Variants in KLF7 observed in about 807,000 individuals in gnomAD.
KLF7 encodes the protein Krueppel-like factor 7.
Under a neutral mutation model 27.3 loss-of-function variants are expected in KLF7, and 2 were observed. The ratio of observed to expected loss-of-function variants is 0.07; its 90% CI spans 0.03 to 0.23. The LOEUF (loss-of-function observed/expected upper bound fraction) is 0.23. KLF7 is among the 10% of genes least tolerant of loss of function. KLF7 has a pLI of 1.00. For synonymous variants in KLF7, 165 were observed against 162.4 expected, an observed-to-expected ratio of 1.02 and a Z score of -0.12; for missense variants, 221 against 394.1, an observed-to-expected ratio of 0.56 and a Z score of 3.72.
intron 2 of KLF7, among the ~76,000 whole-genome samples, chr2:207,123,003 G>A (rs1451648403): frequency 6.6e-6 from 1 of 151,440 alleles, no homozygotes; most frequent in Non-Finnish European, 1.5e-5. Context: ...ACGCTTTTCT[G>A]TGTAAACCCC....
chr2:207,169,129 C>G (rs2078768085), upstream of KLF7, among the ~76,000 whole-genome samples: 1 of 152,188 alleles, frequency 6.6e-6, no homozygotes, highest in African/African-American at 2.4e-5. Flanking sequence ...GAATACAGGT[C>G]TGCCTCCAAA....
At chr2:207,149,238 C>T in intron 1 of KLF7, 4 of 1,010,090 alleles carry the variant, frequency 4.0e-6, no homozygotes, top group Non-Finnish European at 5.4e-6. Flanking sequence ...AAAAGCAACA[C>T]CCCCACTCAG....
chr2:207,118,189 T>A (rs1403089155), intron 2 of KLF7, among the ~76,000 whole-genome samples: 1 of 152,208 alleles, frequency 6.6e-6, no homozygotes, highest in Non-Finnish European at 1.5e-5. Flanking sequence ...TGACCTTTCT[T>A]ATTTGATAGG....
At chr2:207,140,507 A>G (rs965407534) in intron 1 of KLF7, among the ~76,000 whole-genome samples, 4 of 152,236 alleles carry the variant, frequency 2.6e-5, no homozygotes, top group Non-Finnish European at 5.9e-5. Flanking sequence ...TGTAAGAAAT[A>G]GAAGCAACAA....
At chr2:207,133,748 G>A (rs1310255125) in intron 1 of KLF7, among the ~76,000 whole-genome samples, 1 of 152,082 alleles carries the variant, frequency 6.6e-6, no homozygotes, top group Non-Finnish European at 1.5e-5. Flanking sequence ...AGGGGGAGGG[G>A]GGGAGCCATC....
At chr2:207,108,529 T>C (rs61355223) in intron 2 of KLF7, among the ~76,000 whole-genome samples, 241 of 152,302 alleles carry the variant, frequency 1.6e-3, no homozygotes, top group African/African-American at 5.6e-3. Flanking sequence ...CAGGAATTTG[T>C]CTTTTGGTGT....
intron 2 of KLF7, among the ~76,000 whole-genome samples, chr2:207,090,458 A>G (rs1466602213): frequency 6.6e-6 from 1 of 152,156 alleles, no homozygotes; most frequent in Non-Finnish European, 1.5e-5. Flanking sequence ...TAATAAATCC[A>G]TGTTTATAGT....
At chr2:207,136,533 C>A (rs1304574633) in intron 1 of KLF7, among the ~76,000 whole-genome samples, 1 of 152,170 alleles carries the variant, frequency 6.6e-6, no homozygotes, top group Non-Finnish European at 1.5e-5. Flanking sequence ...CTAGGCCAAA[C>A]AGCCCATTCA....
chr2:207,106,679 T>C (rs146106406), intron 2 of KLF7, among the ~76,000 whole-genome samples: 3 of 152,254 alleles, frequency 2.0e-5, no homozygotes, highest in Admixed American at 6.5e-5. Flanking sequence ...TGCATGCTGT[T>C]CCAAAGTGCT....
At chr2:207,116,498 C>A (rs1368834288) in intron 2 of KLF7, among the ~76,000 whole-genome samples, 2 of 152,150 alleles carry the variant, frequency 1.3e-5, no homozygotes, top group African/African-American at 2.4e-5. Flanking sequence ...CATAGAAAAT[C>A]CCTGCCTACC....
intron 1 of KLF7, among the ~76,000 whole-genome samples, chr2:207,136,018 A>G (rs2077774506): frequency 6.6e-6 from 1 of 152,146 alleles, no homozygotes; most frequent in South Asian, 2.1e-4. Context: ...CAGGAAGAGA[A>G]GCAATTAGGA....
chr2:207,078,446 A>G lies in KLF7; in HGVS notation c.*2767T>C, dbSNP rs997350951. On this transcript the variant is annotated 3_prime_UTR_variant, in exon 4 of 4. Transcript: ENST00000309446. ...AGATGAAAATAGGGAGCAAACAAGC[A>G]ATGATTACTCTTTTGCATTTTTTAA... The G allele has an allele frequency of 2.0e-5, 3 of 152,254 alleles. No homozygotes were observed. Among genetic ancestry groups the G allele is most frequent in the African/African-American group, 7.2e-5 (3 of 41,468 alleles). 9.4% of individuals were successfully genotyped at this position (152,254 alleles called of 1,614,324 possible). A position where few individuals can be genotyped will look rare whatever the true frequency, so the allele number is the denominator to read the frequency against.
intron 2 of KLF7, 87 bp downstream of exon 2, chr2:207,123,687 C>T (rs1019502757): frequency 2.1e-6 from 3 of 1,435,650 alleles, no homozygotes; most frequent in African/African-American, 2.8e-5. Flanking sequence ...AGGGGTGCCA[C>T]TCCTCAGAAC....
intron 2 of KLF7, among the ~76,000 whole-genome samples, chr2:207,100,731 C>G (rs76874879): frequency 0.014 from 2,176 of 152,310 alleles, 24 homozygotes; most frequent in Non-Finnish European, 0.021. Flanking sequence ...AGTTTTCACT[C>G]TTTGGCCAGT....
intron 1 of KLF7, among the ~76,000 whole-genome samples, chr2:207,151,725 C>CAT (rs1374310120): frequency 5.5e-5 from 2 of 36,686 alleles, no homozygotes; most frequent in Non-Finnish European, 1.4e-4. Context: ...AAAAATTTTA[C>CAT]ACACACACAC....
intron 1 of KLF7, among the ~76,000 whole-genome samples, chr2:207,150,704 T>C (rs931624655): frequency 6.6e-6 from 1 of 152,174 alleles, no homozygotes; most frequent in African/African-American, 2.4e-5. Context: ...CCAAATCCCT[T>C]GAATTTTCCA....
chr2:207,141,622 C>G (rs1394113273), intron 1 of KLF7, among the ~76,000 whole-genome samples: 1 of 151,998 alleles, frequency 6.6e-6, no homozygotes, highest in Non-Finnish European at 1.5e-5. Context: ...AAAGGAAGCC[C>G]AAATCTTTTG....
At chr2:207,134,379 A>C (rs898234409) in intron 1 of KLF7, among the ~76,000 whole-genome samples, 1 of 152,028 alleles carries the variant, frequency 6.6e-6, no homozygotes, top group Non-Finnish European at 1.5e-5. Context: ...ACAGGTTCAA[A>C]GCCCATTGGG....
At chr2:207,089,847 C>T (rs16839145) in intron 2 of KLF7, among the ~76,000 whole-genome samples, 2,232 of 152,144 alleles carry the variant, frequency 0.015, 62 homozygotes, top group African/African-American at 0.052. Context: ...CATTAAAAAC[C>T]GCCAAACTCA....
Sources: allele counts gnomAD v4.1 joint callset (sites outside exome capture counted in the v4.1 genomes callset), GRCh38; gene constraint gnomAD v4.1.1; transcripts MANE v1.5; gene names NCBI Gene and HGNC (gene_info 2026-07-23, HGNC 2026-07-21).